The following PPP2R3A variants were observed in gnomAD, a reference collection of about 807,000 sequenced individuals.
The protein encoded by PPP2R3A is protein phosphatase 2 regulatory subunit B''alpha, also known as serine/threonine-protein phosphatase 2A regulatory subunit B'' subunit alpha.
A neutral mutation model predicts 106.9 loss-of-function variants in PPP2R3A; 80 were observed. The observed-to-expected ratio is 0.75, with a 90% CI of 0.62 to 0.90. The LOEUF (loss-of-function observed/expected upper bound fraction) is 0.90. PPP2R3A is among the 40% of genes least tolerant of loss of function. The pLI is 0.00. For synonymous variants in PPP2R3A, 483 were observed against 468.3 expected (o/e 1.03, Z -0.41); for missense variants, 1,386 against 1,350.4 (o/e 1.03, Z -0.41).
chr3:136,017,556 G>A (rs1197993002), intron 2 of PPP2R3A, among the ~76,000 whole-genome samples: 1 of 152,190 alleles, frequency 6.6e-6, no homozygotes, highest in Non-Finnish European at 1.5e-5. Context: ...ACAAGGACAG[G>A]CTGTTAACGT....
At chr3:136,014,970 A>G (rs556066759) in intron 2 of PPP2R3A, among the ~76,000 whole-genome samples, 1 of 152,234 alleles carries the variant, frequency 6.6e-6, no homozygotes. Flanking sequence ...TTTGTCATAG[A>G]TAGCTTTTAT....
intron 13 of PPP2R3A, among the ~76,000 whole-genome samples, chr3:136,131,356 A>G (rs867683493): frequency 1.3e-5 from 2 of 152,278 alleles, no homozygotes; most frequent in Admixed American, 1.3e-4. Flanking sequence ...GGCAAAGGAT[A>G]TGAACAGACA....
intron 5 of PPP2R3A, among the ~76,000 whole-genome samples, chr3:136,052,302 GA>G (rs1935711439): frequency 6.6e-6 from 1 of 152,110 alleles, no homozygotes; most frequent in African/African-American, 2.4e-5. Context: ...CAGTAAATGG[GA>G]GGACAGAGGA....
intron 4 of PPP2R3A, among the ~76,000 whole-genome samples, chr3:136,046,712 C>T (rs1222396796): frequency 1.3e-5 from 2 of 152,222 alleles, no homozygotes; most frequent in Non-Finnish European, 2.9e-5. Context: ...TGTGTTCTTA[C>T]CTCCAAATGA....
intron 3 of PPP2R3A, among the ~76,000 whole-genome samples, chr3:136,029,502 G>A (rs1056112670): frequency 6.6e-6 from 1 of 152,178 alleles, no homozygotes; most frequent in Non-Finnish European, 1.5e-5. Flanking sequence ...GTGTCAAAAA[G>A]AATATAGTCA....
At chr3:136,116,510 G>C (rs769297885) in intron 13 of PPP2R3A, among the ~76,000 whole-genome samples, 3 of 152,198 alleles carry the variant, frequency 2.0e-5, no homozygotes, top group Non-Finnish European at 2.9e-5. Flanking sequence ...CATGTGCAAA[G>C]ACACATATAG....
chr3:135,983,024 T>C (rs1937559813), intron 1 of PPP2R3A, among the ~76,000 whole-genome samples: 1 of 152,132 alleles, frequency 6.6e-6, no homozygotes. Context: ...ACTAATAACG[T>C]TAGATGTGAT....
intron 10 of PPP2R3A, among the ~76,000 whole-genome samples, chr3:136,099,724 A>G (rs145123538): frequency 4.6e-5 from 7 of 152,268 alleles, no homozygotes; most frequent in African/African-American, 7.2e-5. Flanking sequence ...TACAGGCCAC[A>G]TAGGTAATTT....
chr3:136,104,464 A>C (rs1228492545), intron 12 of PPP2R3A, among the ~76,000 whole-genome samples: 1 of 151,826 alleles, frequency 6.6e-6, no homozygotes, highest in Non-Finnish European at 1.5e-5. Flanking sequence ...GCACCACCAC[A>C]CCCAGCTAAT....
chr3:136,047,729 GTC>G (rs1035016546), intron 4 of PPP2R3A, among the ~76,000 whole-genome samples: 1 of 151,934 alleles, frequency 6.6e-6, no homozygotes, highest in African/African-American at 2.4e-5. Context: ...GTGAAACCCC[GTC>G]TCTACTAAAA....
At chr3:136,005,173 A>G (rs1933797981) in intron 2 of PPP2R3A, among the ~76,000 whole-genome samples, 2 of 152,174 alleles carry the variant, frequency 1.3e-5, no homozygotes, top group African/African-American at 4.8e-5. Context: ...TTCACGTACA[A>G]AATTCTTTAA....
chr3:136,100,404 G>A (rs768905899), intron 10 of PPP2R3A, among the ~76,000 whole-genome samples: 19 of 151,874 alleles, frequency 1.3e-4, no homozygotes, highest in Admixed American at 5.9e-4. Context: ...GCTAGGCGCC[G>A]TGGCTCACGC....
chr3:136,087,988 T>C (rs899766132), intron 9 of PPP2R3A, 57 bp downstream of exon 9: 31 of 1,444,956 alleles, frequency 2.1e-5, no homozygotes, highest in Admixed American at 3.6e-5. Context: ...ACCATAACCA[T>C]CTCATTTTAG....
At chr3:136,021,346 A>G (rs1934457347) in intron 2 of PPP2R3A, among the ~76,000 whole-genome samples, 1 of 152,120 alleles carries the variant, frequency 6.6e-6, no homozygotes, top group Non-Finnish European at 1.5e-5. Context: ...TTCAGTTGTA[A>G]TCCTCTTTCA....
Position 136,053,548 on chromosome 3 carries a change from T to C in PPP2R3A, c.2469+4187T>C, listed in dbSNP as rs182268543. On this transcript the variant is annotated intron_variant, in intron 5 of 13. Transcript: ENST00000264977. ...GAAATGGGGATTCACTGAAGGTCGG[T>C]ATACACAACAATCACTAGTTGACTC... Among the ~76,000 whole-genome samples the C allele has an allele frequency of 2.6e-3, 392 of 152,264 alleles. 1 individual carries two copies. The highest frequency in any genetic ancestry group is 0.02 in the South Asian group (95 of 4,818).
At chr3:136,042,475 C>T (rs1211415995) in intron 4 of PPP2R3A, among the ~76,000 whole-genome samples, 6 of 152,060 alleles carry the variant, frequency 3.9e-5, no homozygotes, top group Non-Finnish European at 7.3e-5. Context: ...GCACATCCTG[C>T]GCATGTACCT....
At chr3:135,974,024 G>A (rs959918582) in intron 1 of PPP2R3A, among the ~76,000 whole-genome samples, 4 of 152,284 alleles carry the variant, frequency 2.6e-5, no homozygotes, top group African/African-American at 9.6e-5. Context: ...GCTAGCTCTA[G>A]TGAATCAGTT....
chr3:136,055,629 G>T, intron 5 of PPP2R3A: 1 of 1,352,746 alleles, frequency 7.4e-7, no homozygotes, highest in Non-Finnish European at 1.1e-6. Context: ...ACACCTGCCT[G>T]CCAATGGACA....
intron 13 of PPP2R3A, among the ~76,000 whole-genome samples, chr3:136,117,220 T>C (rs1937800912): frequency 6.6e-6 from 1 of 152,220 alleles, no homozygotes; most frequent in Non-Finnish European, 1.5e-5. Context: ...CCAGAATCTC[T>C]GGGACACATT....
Sources: allele counts gnomAD v4.1 joint callset (sites outside exome capture counted in the v4.1 genomes callset), GRCh38; gene constraint gnomAD v4.1.1; transcripts MANE v1.5; gene names NCBI Gene and HGNC (gene_info 2026-07-23, HGNC 2026-07-21).